Variants in MYT1 observed in about 807,000 individuals in gnomAD.
MYT1 encodes myelin transcription factor 1, also known as myelin transcription factor I.
A neutral mutation model predicts 123.0 loss-of-function variants in MYT1; 23 were observed. The ratio of observed to expected loss-of-function variants is 0.19; its 90% CI spans 0.13 to 0.26. The LOEUF (loss-of-function observed/expected upper bound fraction) is 0.26. MYT1 is among the 10% of genes least tolerant of loss of function. The pLI is 1.00. For synonymous variants in MYT1, 518 were observed against 575.3 expected, an observed-to-expected ratio of 0.90 and a Z score of 1.43; for missense variants, 1,125 against 1,472.5, an observed-to-expected ratio of 0.76 and a Z score of 3.86.
rs560700825 is a variant in MYT1, at chr20:64,220,300, A to G, written c.2241+318A>G. On this transcript the variant is annotated intron_variant, in intron 13 of 22. Coordinates refer to ENST00000328439, the MANE Select transcript of MYT1 (RefSeq NM_004535.3). ...GTGGAGGCATGGGGAGGAGAAAGGC[A>G]TCGTTCAGATCCCAGGAGTTGATTG... 5.3e-5 allele frequency among the ~76,000 whole-genome samples: 8 copies of G among 152,332 alleles called. No individual in the cohort carries two copies. In the East Asian group the frequency reaches 1.5e-3, roughly 29 times the overall value.
At chr20:64,197,493 C>T (rs1205234190) in intron 2 of MYT1, among the ~76,000 whole-genome samples, 1 of 152,200 alleles carries the variant, frequency 6.6e-6, no homozygotes, top group East Asian at 1.9e-4. Context: ...ACGCATAGAG[C>T]CCTGGCAGCT....
At chr20:64,217,305 G>C (rs1056543370) in intron 11 of MYT1, 24 bp downstream of exon 11, 1 of 1,612,246 alleles carries the variant, frequency 6.2e-7, no homozygotes, top group African/African-American at 1.3e-5. Context: ...AATTGTTCTT[G>C]TTTCTCTTCT....
At chr20:64,210,008 G>A (rs985990558) in intron 7 of MYT1, among the ~76,000 whole-genome samples, 7 of 152,136 alleles carry the variant, frequency 4.6e-5, no homozygotes, top group African/African-American at 1.7e-4. Flanking sequence ...GAGACTTAGG[G>A]ACAGGTGTCA....
rs765836332 is a variant in MYT1 at position 64,207,979 on chromosome 20, C to CGAG, written c.801_803dup (p.Glu273dup). The CGAG allele has an allele frequency of 7.6e-6, 12 of 1,569,278 alleles. No individual in the cohort carries two copies. Among genetic ancestry groups the CGAG allele is most frequent in the South Asian group, 2.3e-5 (2 of 86,726 alleles). On this transcript the variant is annotated inframe_insertion, in exon 7 of 23. Coordinates refer to ENST00000328439, the MANE Select transcript of MYT1 (RefSeq NM_004535.3). The stretch of plus-strand genomic sequence containing the variant: ...GCATCCTGAGTCACGAAGAGGAGGA[C>CGAG]GAGGAGGAGGAGGAGGAGGAAGAGG...
chr20:64,199,840 C>A (rs1361381246), intron 3 of MYT1, 52 bp from the exon 4 acceptor site: 2 of 1,593,194 alleles, frequency 1.3e-6, no homozygotes, highest in Middle Eastern at 1.7e-4. Flanking sequence ...GGGCAATGAG[C>A]CTTTAAAATC....
chr20:64,200,858 G>A (rs552462262), intron 4 of MYT1, among the ~76,000 whole-genome samples: 1 of 152,354 alleles, frequency 6.6e-6, no homozygotes, highest in South Asian at 2.1e-4. Flanking sequence ...CAGGTCGTGT[G>A]CCAGCACTTC....
At chr20:64,234,269 G>T (rs1281114303) in intron 19 of MYT1, among the ~76,000 whole-genome samples, 1 of 152,160 alleles carries the variant, frequency 6.6e-6, no homozygotes, top group Non-Finnish European at 1.5e-5. Context: ...ACAGCCTAGA[G>T]GGTATCTCAG....
chr20:64,172,428 G>C (rs935541407), intron 1 of MYT1, among the ~76,000 whole-genome samples: 4 of 152,192 alleles, frequency 2.6e-5, no homozygotes, highest in Non-Finnish European at 4.4e-5. Flanking sequence ...TCTGAACTGG[G>C]GATGAGCCAG....
chr20:64,207,988 G>GGAGGAGGAGGAA lies in MYT1; in HGVS notation c.804_815dup (p.Glu270_Glu273dup). On this transcript the variant is annotated inframe_insertion, in exon 7 of 23. Transcript: ENST00000328439. ...GTCACGAAGAGGAGGACGAGGAGGA[G>GGAGGAGGAGGAA]GAGGAGGAGGAAGAGGAGGAGGAGG... 6.3e-7 allele frequency: 1 copy of GGAGGAGGAGGAA among 1,598,832 alleles called. No homozygotes were observed. Among genetic ancestry groups the GGAGGAGGAGGAA allele is most frequent in the Non-Finnish European group, 8.5e-7 (1 of 1,173,604 alleles).
intron 13 of MYT1, 133 bp downstream of exon 13, chr20:64,220,115 T>G: frequency 7.2e-7 from 1 of 1,382,108 alleles, no homozygotes; most frequent in Non-Finnish European, 9.3e-7. Context: ...AGCCATCCCT[T>G]TTCGTGAAGG....
rs999335820 is a variant in MYT1 at position 64,203,721 on chromosome 20, G to A, written c.87-1314G>A. On this transcript the variant is annotated intron_variant, in intron 4 of 22. Transcript: ENST00000328439. This position sits in a 1 kb window ranked among gnomAD's most constrained non-coding sequence, Gnocchi z 5.1. ...GCTGACGGTTCTCCCAGAGGTAGTC[G>A]GGGAGGGTGGCCTGCAAGCCCACTG... 2.0e-5 allele frequency among the ~76,000 whole-genome samples: 3 copies of A among 152,206 alleles called. No homozygotes were observed. Among genetic ancestry groups the A allele is most frequent in the South Asian group, 2.1e-4 (1 of 4,832 alleles).
rs927687691 is a variant in MYT1 at position 64,231,627 on chromosome 20, C to A, written c.2676-537C>A. Reference sequence around the variant, plus strand: ...CTGCAACATCTATGGGCATTGCCCCCTGATTGCACTGGCCTCAGTCTGGGA... The same window carrying A: ...CTGCAACATCTATGGGCATTGCCCCATGATTGCACTGGCCTCAGTCTGGGA... On this transcript the variant is annotated intron_variant, in intron 18 of 22. Transcript: ENST00000328439. The surrounding 1 kb of genome is among the most constrained non-coding windows in gnomAD (Gnocchi z 6.4). 6.6e-6 allele frequency among the ~76,000 whole-genome samples: 1 copy of A among 152,216 alleles called. No individual in the cohort carries two copies. The highest frequency in any genetic ancestry group is 2.4e-5 in the African/African-American group (1 of 41,468).
chr20:64,188,550 C>T (rs1982877324), intron 1 of MYT1, among the ~76,000 whole-genome samples: 1 of 152,156 alleles, frequency 6.6e-6, no homozygotes, highest in Non-Finnish European at 1.5e-5. Context: ...CCCCACGCCC[C>T]ATCTTCAAAG....
intron 1 of MYT1, among the ~76,000 whole-genome samples, chr20:64,184,000 A>G (rs574675572): frequency 8.3e-4 from 126 of 152,094 alleles, no homozygotes; most frequent in African/African-American, 2.8e-3. Context: ...TTGTATTTTC[A>G]GTAGAGACGG....
chr20:64,223,155 A>T lies in MYT1; in HGVS notation c.2441A>T (p.Asn814Ile). The T allele has an allele frequency of 6.2e-7, 1 of 1,614,034 alleles. No homozygotes were observed. ...GACGGCAGCGGCCACATCACCGGGA[A>T]CTACGCCTCCCACCGCAGGTTTGTC... The part of the protein sequence containing the change: ...GCDGSGHITG[N>I]YASHRSLSGC... The change falls in exon 15 of 23, where the codon AAC becomes ATC. Residue 814 changes from asparagine to isoleucine, a missense_variant. Asn to Ile is a moderately radical substitution (Grantham distance 149). Transcript: ENST00000328439.
At chr20:64,165,590 C>T (rs1280549006) in intron 1 of MYT1, among the ~76,000 whole-genome samples, 2 of 152,166 alleles carry the variant, frequency 1.3e-5, no homozygotes, top group African/African-American at 4.8e-5. Flanking sequence ...GTTCTCACTG[C>T]TCCTCCTGAG....
At chr20:64,171,151 T>G (rs1418813715) in intron 1 of MYT1, among the ~76,000 whole-genome samples, 3 of 151,534 alleles carry the variant, frequency 2.0e-5, no homozygotes, top group Non-Finnish European at 4.4e-5. Flanking sequence ...ACTCCTGACC[T>G]CAGGTGATCT....
At chr20:64,179,937 ACACACAGTTACACATTTG>A (rs1336890428) in intron 1 of MYT1, among the ~76,000 whole-genome samples, 1 of 20,608 alleles carries the variant, frequency 4.9e-5, no homozygotes, top group Non-Finnish European at 7.8e-5. Flanking sequence ...CACATGCTAC[ACACACAGTTACACATTTG>A]CACACAGTTA....
intron 2 of MYT1, among the ~76,000 whole-genome samples, chr20:64,195,438 T>C (rs1303663947): frequency 3.6e-5 from 5 of 140,022 alleles, no homozygotes; most frequent in Admixed American, 7.4e-5. Flanking sequence ...CTCTGTCGCC[T>C]AGGCTGGAGT....
Sources: gnomAD v4.1 joint callset for allele counts (sites outside exome capture counted in the v4.1 genomes callset) on GRCh38, gnomAD v4.1.1 for gene constraint, Gnocchi (gnomAD v3.1) non-coding constraint, MANE v1.5 for transcripts, NCBI Gene and HGNC (gene_info 2026-07-23, HGNC 2026-07-21) for gene names.